Variants in PCBD2 observed in about 807,000 individuals in gnomAD.
The protein encoded by PCBD2 is pterin-4 alpha-carbinolamine dehydratase 2.
Under a neutral mutation model 16.4 loss-of-function variants are expected in PCBD2, and 12 were observed. The observed-to-expected ratio is 0.73, with a 90% CI of 0.47 to 1.19. The LOEUF (loss-of-function observed/expected upper bound fraction) is 1.19, where lower values mean the gene tolerates loss of function less well. Among genes scored for constraint, PCBD2 ranks in the 50% most tolerant of loss-of-function variants. PCBD2 has a pLI of 0.00. For synonymous variants in PCBD2, 58 were observed against 61.8 expected, an observed-to-expected ratio of 0.94 and a Z score of 0.29; for missense variants, 138 against 156.8, an observed-to-expected ratio of 0.88 and a Z score of 0.64.
At chr5:134,960,493 A>G in intron 3 of PCBD2, 93 bp from the exon 4 acceptor site, 1 of 815,808 alleles carries the variant, frequency 1.2e-6, no homozygotes, top group African/African-American at 1.7e-5. Flanking sequence ...CTCAAATATG[A>G]ATGTTGAATA....
chr5:134,928,384 A>G (rs1166535324), intron 2 of PCBD2: 8 of 368,278 alleles, frequency 2.2e-5, no homozygotes, highest in South Asian at 1.3e-4. Flanking sequence ...TGTTTGAACT[A>G]TATACCAATT....
intron 3 of PCBD2, among the ~76,000 whole-genome samples, chr5:134,960,151 G>A (rs1751459442): frequency 1.3e-5 from 2 of 152,076 alleles, no homozygotes; most frequent in African/African-American, 2.4e-5. Context: ...GATTACAGGT[G>A]TGAGCCACCA....
intron 2 of PCBD2, among the ~76,000 whole-genome samples, chr5:134,934,947 A>G (rs931462968): frequency 1.3e-5 from 2 of 152,204 alleles, no homozygotes; most frequent in African/African-American, 4.8e-5. Flanking sequence ...GCTATCCAAC[A>G]TTTTGCTTCA....
At position 134,962,411 on chromosome 5, in the gene PCBD2, T is replaced by TA. The variant is rs1452822328; in HGVS notation, c.*1731dup. ...GTCATAACAATTATTTTAAAATTTT[T>TA]ATTTATTTATTTTTAATAATTATAC... On this transcript the variant is annotated 3_prime_UTR_variant, in exon 4 of 4. Coordinates refer to ENST00000254908, the MANE Select transcript of PCBD2 (RefSeq NM_032151.5). Among the ~76,000 whole-genome samples, 1 of 151,806 alleles carries TA rather than the reference T, an allele frequency of 6.6e-6. No homozygotes were observed. The highest frequency in any genetic ancestry group is 2.4e-5 in the African/African-American group (1 of 41,332).
At chr5:134,918,980 A>G (rs912763930) in intron 2 of PCBD2, among the ~76,000 whole-genome samples, 2 of 152,242 alleles carry the variant, frequency 1.3e-5, no homozygotes, top group Non-Finnish European at 2.9e-5. Flanking sequence ...CAACAGATAG[A>G]TGAGGAGAAA....
intron 2 of PCBD2, chr5:134,926,174 C>T (rs563617251): frequency 2.8e-4 from 90 of 316,940 alleles, no homozygotes; most frequent in Admixed American, 6.0e-4. Context: ...GATCACGTAA[C>T]GAACAGTGCT....
rs199800106 is a variant in PCBD2 at position 134,955,198 on chromosome 5, A to AT, written c.217-3832dup. Among the ~76,000 whole-genome samples the AT allele has an allele frequency of 2.0e-3, 297 of 145,804 alleles. 5 individuals are homozygous for AT. In the South Asian group the frequency reaches 0.036, roughly 18 times the overall value. ...TAAACCCTTTATTTTTGGAAAACTT[A>AT]TTTTTTTTTTAAATTTTTATCCCCA... On this transcript the variant is annotated intron_variant, in intron 2 of 3. Transcript: ENST00000254908.
intron 2 of PCBD2, among the ~76,000 whole-genome samples, chr5:134,916,855 G>A (rs888796051): frequency 2.6e-5 from 4 of 152,256 alleles, no homozygotes; most frequent in African/African-American, 9.6e-5. Flanking sequence ...TGGACAGTAT[G>A]TTGGTGACAG....
chr5:134,940,946 C>A (rs549850545), intron 2 of PCBD2, among the ~76,000 whole-genome samples: 64 of 151,986 alleles, frequency 4.2e-4, no homozygotes, highest in Non-Finnish European at 8.2e-4. Context: ...ACGGTGAAAT[C>A]CCGTCTCTAC....
intron 2 of PCBD2, chr5:134,925,026 G>C (rs936663003): frequency 7.6e-6 from 3 of 394,852 alleles, no homozygotes; most frequent in South Asian, 1.4e-4. Flanking sequence ...TTGTCATTTG[G>C]GGGGTGGATG....
intron 2 of PCBD2, among the ~76,000 whole-genome samples, chr5:134,956,877 G>A (rs543651371): frequency 3.9e-4 from 60 of 152,354 alleles, no homozygotes; most frequent in Middle Eastern, 6.8e-3. Context: ...TCTGTACCAA[G>A]TGCTGTGCTA....
chr5:134,925,463 C>T (rs1273104453), intron 2 of PCBD2: 4 of 398,376 alleles, frequency 1.0e-5, no homozygotes, highest in Admixed American at 4.4e-5. Context: ...TTGAAGAAGG[C>T]GTGGGTACAG....
intron 2 of PCBD2, among the ~76,000 whole-genome samples, chr5:134,911,975 C>T (rs1750773807): frequency 6.6e-6 from 1 of 152,182 alleles, no homozygotes; most frequent in Non-Finnish European, 1.5e-5. Flanking sequence ...TTAAACCTGG[C>T]CTAATTTATT....
At chr5:134,934,583 G>A (rs555970764) in intron 2 of PCBD2, among the ~76,000 whole-genome samples, 6 of 152,054 alleles carry the variant, frequency 3.9e-5, no homozygotes, top group African/African-American at 1.4e-4. Flanking sequence ...TTAATCTTTC[G>A]GCTTTTTGGT....
intron 2 of PCBD2, among the ~76,000 whole-genome samples, chr5:134,951,291 A>C (rs2149539735): frequency 6.6e-6 from 1 of 152,234 alleles, no homozygotes; most frequent in East Asian, 1.9e-4. Flanking sequence ...TGTTATGCAT[A>C]TATTTTTTTT....
chr5:134,915,044 C>T (rs917037903), intron 2 of PCBD2, among the ~76,000 whole-genome samples: 27 of 151,990 alleles, frequency 1.8e-4, no homozygotes, highest in African/African-American at 5.8e-4. Context: ...GAGCCGGGCG[C>T]GGTGGCTCAC....
At chr5:134,957,794 A>C (rs1455866875) in intron 2 of PCBD2, among the ~76,000 whole-genome samples, 1 of 152,252 alleles carries the variant, frequency 6.6e-6, no homozygotes, top group Non-Finnish European at 1.5e-5. Context: ...GTTTTTCCAC[A>C]GATAATTCCA....
At chr5:134,919,690 G>A (rs1340441982) in intron 2 of PCBD2, among the ~76,000 whole-genome samples, 2 of 152,222 alleles carry the variant, frequency 1.3e-5, no homozygotes, top group Non-Finnish European at 2.9e-5. Flanking sequence ...TAGGTTGACT[G>A]TGAATTAATA....
At chr5:134,905,314 G>A in intron 1 of PCBD2, 91 bp downstream of exon 1, 1 of 1,111,496 alleles carries the variant, frequency 9.0e-7, no homozygotes. Context: ...GCGGGACTGG[G>A]GCGAACCCGG....
Sources: allele counts gnomAD v4.1 joint callset (sites outside exome capture counted in the v4.1 genomes callset), GRCh38; gene constraint gnomAD v4.1.1; transcripts MANE v1.5; gene names NCBI Gene and HGNC (gene_info 2026-07-23, HGNC 2026-07-21).